The following NEK6 variants were observed in gnomAD, a reference collection of about 807,000 sequenced individuals.
The protein encoded by NEK6 is serine/threonine-protein kinase Nek6.
NEK6 carries 27 observed loss-of-function variants against 43.5 expected under a neutral mutation model. The ratio of observed to expected loss-of-function variants is 0.62; its 90% CI spans 0.46 to 0.86. The LOEUF (loss-of-function observed/expected upper bound fraction) is 0.86, where lower values mean the gene tolerates loss of function less well. NEK6 is among the 40% of genes least tolerant of loss of function. The probability of loss-of-function intolerance (pLI) is 0.00; values close to 1 mark genes in which losing one functional copy is unlikely to be tolerated. For missense variants in NEK6, 318 were observed against 414.4 expected (o/e 0.77, Z 2.02); for synonymous variants, 167 against 164.1 (o/e 1.02, Z -0.14).
At position 124,351,497 on chromosome 9, in the gene NEK6, C is replaced by T. The variant is rs1398128636; in HGVS notation, c.*550C>T. 1.3e-5 allele frequency: 2 copies of T among 152,470 alleles called. No individual in the cohort carries two copies. Among genetic ancestry groups the T allele is most frequent in the Non-Finnish European group, 2.9e-5 (2 of 68,290 alleles). 9.4% of individuals were successfully genotyped at this position (152,470 alleles called of 1,614,324 possible). A position where few individuals can be genotyped will look rare whatever the true frequency, so the allele number is the denominator to read the frequency against. On this transcript the variant is annotated 3_prime_UTR_variant, in exon 10 of 10. Transcript: ENST00000320246. ...TAACATTTTTATCTACGTTTTATAA[C>T]TTGGTGAGTGACGATGAGAGCCCTG...
Position 124,343,245 on chromosome 9 carries a change from G to A in NEK6, c.717+3580G>A, listed in dbSNP as rs1329564502. Among the ~76,000 whole-genome samples the A allele has an allele frequency of 1.3e-5, 2 of 149,102 alleles. No homozygotes were observed. Among genetic ancestry groups the A allele is most frequent in the African/African-American group, 2.5e-5 (1 of 40,420 alleles). The stretch of plus-strand genomic sequence containing the variant: ...CACAGCCGGGGGGCGGTGAGGGGAC[G>A]GATCGCAGCCGGGGGGTGGTACGGG... On this transcript the variant is annotated intron_variant, in intron 8 of 9. Transcript: ENST00000320246. This position sits in a 1 kb window ranked among gnomAD's most constrained non-coding sequence, Gnocchi z 5.1.
At chr9:124,258,169 C>G in intron 1 of NEK6, 84 bp downstream of exon 1, 2 of 976,088 alleles carry the variant, frequency 2.0e-6, no homozygotes, top group South Asian at 4.7e-5. Context: ...GCCGTCACCC[C>G]CAGCCGGGCC....
intron 1 of NEK6, among the ~76,000 whole-genome samples, chr9:124,298,700 G>C (rs1832815690): frequency 6.6e-6 from 1 of 152,186 alleles, no homozygotes; most frequent in Non-Finnish European, 1.5e-5. Context: ...TGCAGTTGTT[G>C]GTTCAAATCC....
chr9:124,297,994 C>T (rs1832776863), intron 1 of NEK6, among the ~76,000 whole-genome samples: 1 of 152,152 alleles, frequency 6.6e-6, no homozygotes, highest in Admixed American at 6.5e-5. Flanking sequence ...CCATGGAGAG[C>T]CCCAAGAGGC....
At chr9:124,321,398 A>G in intron 4 of NEK6, 61 bp from the exon 5 acceptor site, 1 of 1,068,184 alleles carries the variant, frequency 9.4e-7, no homozygotes, top group Non-Finnish European at 1.4e-6. Context: ...GGTGGCAGGC[A>G]GGCACTGGGT....
chr9:124,307,125 C>T (rs1833291778), intron 2 of NEK6, among the ~76,000 whole-genome samples: 1 of 107,032 alleles, frequency 9.3e-6, no homozygotes. Flanking sequence ...TTTTATGCTC[C>T]TGTTTAAAAA....
At chr9:124,261,258 T>C in intron 1 of NEK6, 1 of 343,658 alleles carries the variant, frequency 2.9e-6, no homozygotes, top group Non-Finnish European at 4.1e-6. Flanking sequence ...CCAGAGCTAC[T>C]GGAGAGAAAG....
At chr9:124,310,989 C>G (rs1833498930) in intron 2 of NEK6, among the ~76,000 whole-genome samples, 1 of 152,222 alleles carries the variant, frequency 6.6e-6, no homozygotes, top group Non-Finnish European at 1.5e-5. Flanking sequence ...CACCACATAA[C>G]CAGGTTCCCC....
intron 1 of NEK6, among the ~76,000 whole-genome samples, chr9:124,273,618 C>T (rs372580097): frequency 2.6e-5 from 4 of 152,120 alleles, no homozygotes; most frequent in African/African-American, 4.8e-5. Context: ...CCCGTCCCAC[C>T]GTTGGCAAGC....
chr9:124,258,925 C>T (rs987608845), intron 1 of NEK6, among the ~76,000 whole-genome samples: 7 of 152,242 alleles, frequency 4.6e-5, no homozygotes, highest in African/African-American at 1.4e-4. Flanking sequence ...CCTCCAGGCT[C>T]TCCTGTCTTT....
In NEK6 at chr9:124,337,739, A is replaced by G. The variant is rs117737369; in HGVS notation, c.623-1832A>G. 1.4e-4 allele frequency among the ~76,000 whole-genome samples: 21 copies of G among 152,254 alleles called. No homozygotes were observed. The East Asian group carries it at 4.0e-3, about 29-fold the overall frequency. On this transcript the variant is annotated intron_variant, in intron 7 of 9. Transcript: ENST00000320246. Reference sequence around the variant, plus strand: ...ATTGTGTCTTTTGATGGATGGAAGCACTCATTTGGGCATCTACCTAGGAGC... The same window carrying G: ...ATTGTGTCTTTTGATGGATGGAAGCGCTCATTTGGGCATCTACCTAGGAGC...
At chr9:124,316,836 C>A (rs1833838835) in intron 4 of NEK6, among the ~76,000 whole-genome samples, 1 of 152,252 alleles carries the variant, frequency 6.6e-6, no homozygotes, top group African/African-American at 2.4e-5. Context: ...TCCCTCCTCC[C>A]CTCCCCAGGA....
chr9:124,292,416 T>G, intron 1 of NEK6: 1 of 1,533,214 alleles, frequency 6.5e-7, no homozygotes, highest in Non-Finnish European at 8.7e-7. Flanking sequence ...TTCTCTAGGG[T>G]GGGTTTTGTC....
chr9:124,299,399 G>A (rs1053894918), intron 1 of NEK6, among the ~76,000 whole-genome samples: 1 of 152,180 alleles, frequency 6.6e-6, no homozygotes, highest in African/African-American at 2.4e-5. Flanking sequence ...AAATTCATGC[G>A]CATTTTACAT....
chr9:124,334,690 C>T (rs190627983), intron 7 of NEK6, among the ~76,000 whole-genome samples: 6 of 152,276 alleles, frequency 3.9e-5, no homozygotes, highest in Admixed American at 3.9e-4. Context: ...TAAAGGAGCC[C>T]GCAAGGTGGC....
At position 124,296,354 on chromosome 9, in the gene NEK6, A is replaced by G. The variant is rs116475047; in HGVS notation, c.-29-5582A>G. Reference sequence around the variant, plus strand: ...GAGGCACAGAGGAGGGGCCTTGCTCAGGGAAACTGGAGAGGGGAGTACAGT... The same window carrying G: ...GAGGCACAGAGGAGGGGCCTTGCTCGGGGAAACTGGAGAGGGGAGTACAGT... On this transcript the variant is annotated intron_variant, in intron 1 of 9. Transcript: ENST00000320246. Among the ~76,000 whole-genome samples, 449 of 152,336 alleles carry G rather than the reference A, an allele frequency of 2.9e-3. 2 individuals are homozygous for G. The highest frequency in any genetic ancestry group is 0.01 in the African/African-American group (428 of 41,590).
At chr9:124,338,801 G>C (rs1402577288) in intron 7 of NEK6, among the ~76,000 whole-genome samples, 1 of 152,218 alleles carries the variant, frequency 6.6e-6, no homozygotes, top group Non-Finnish European at 1.5e-5. Flanking sequence ...TCATAGCACT[G>C]TTGGGAACAG....
intron 1 of NEK6, among the ~76,000 whole-genome samples, chr9:124,296,433 A>C (rs1832692003): frequency 6.6e-6 from 1 of 152,148 alleles, no homozygotes; most frequent in African/African-American, 2.4e-5. Flanking sequence ...TGGGCTTGGC[A>C]ACACCTGTCA....
intron 3 of NEK6, 128 bp from the exon 4 acceptor site, chr9:124,313,778 AGGGGCTGGGAGTGCAGG>A: frequency 1.4e-6 from 1 of 727,398 alleles, no homozygotes; most frequent in South Asian, 1.7e-5. Flanking sequence ...CAAGCCCTAC[AGGGGCTGGGAGTGCAGG>A]GGGGGGTCAC....
Sources: gnomAD v4.1 joint callset for allele counts (sites outside exome capture counted in the v4.1 genomes callset) on GRCh38, gnomAD v4.1.1 for gene constraint, Gnocchi (gnomAD v3.1) non-coding constraint, MANE v1.5 for transcripts, NCBI Gene and HGNC (gene_info 2026-07-23, HGNC 2026-07-21) for gene names.